The following POLR2D variants were observed in gnomAD, a reference collection of about 807,000 sequenced individuals.
POLR2D encodes the protein DNA-directed RNA polymerase II subunit RPB4.
Under a neutral mutation model 17.6 loss-of-function variants are expected in POLR2D, and 10 were observed. That is an observed-to-expected ratio of 0.57 (90% confidence interval 0.35 to 0.96). The LOEUF (loss-of-function observed/expected upper bound fraction) is 0.96. POLR2D is among the 40% of genes least tolerant of loss of function. The pLI is 0.02. For missense variants in POLR2D, 126 were observed against 176.4 expected (o/e 0.71, Z 1.62); for synonymous variants, 52 against 60.2 (o/e 0.86, Z 0.63).
rs779254562 is a variant in POLR2D, at chr2:127,852,961, C to T, written c.218G>A (p.Arg73His). Residue 73 changes from arginine to histidine, a missense_variant, in exon 2 of 4, where the codon CGT becomes CAT. Coordinates refer to ENST00000272645, the MANE Select transcript of POLR2D (RefSeq NM_004805.4). The surrounding 1 kb of genome is among the most constrained non-coding windows in gnomAD (Gnocchi z 4.0). ...KTLNYTARFS[R>H]FKNRETIASV... Reference sequence around the variant, plus strand: ...GGCAATGGTCTCTCTGTTTTTGAAACGACTGAAACGGGCTGTGTAGTTTAA... The same window carrying T: ...GGCAATGGTCTCTCTGTTTTTGAAATGACTGAAACGGGCTGTGTAGTTTAA... 25 of 1,613,642 alleles carry T rather than the reference C, an allele frequency of 1.5e-5. No homozygotes were observed. The highest frequency in any genetic ancestry group is 5.0e-5 in the Admixed American group (3 of 59,884).
At chr2:127,851,089 C>T (rs781561947) in intron 2 of POLR2D, among the ~76,000 whole-genome samples, 34 of 151,876 alleles carry the variant, frequency 2.2e-4, no homozygotes, top group South Asian at 2.1e-4. Context: ...GGTGCAGTGG[C>T]GGGCTACTCC....
chr2:127,856,049 G>A (rs138377587), intron 1 of POLR2D, among the ~76,000 whole-genome samples: 7 of 152,036 alleles, frequency 4.6e-5, no homozygotes, highest in Admixed American at 3.3e-4. Flanking sequence ...TTGGGTGGTC[G>A]AGGCGGGCAG....
intron 3 of POLR2D, among the ~76,000 whole-genome samples, chr2:127,849,777 C>T (rs1384020210): frequency 3.9e-5 from 6 of 151,988 alleles, no homozygotes; most frequent in South Asian, 4.1e-4. Flanking sequence ...CTGGGCACCG[C>T]GGCTCATGCC....
Position 127,852,955 on chromosome 2 carries a change from T to C in POLR2D, c.224A>G (p.Lys75Arg). 1.2e-6 allele frequency: 2 copies of C among 1,613,982 alleles called. No individual in the cohort carries two copies. The highest frequency in any genetic ancestry group is 2.2e-5 in the East Asian group (1 of 44,884). ...AACACTGGCAATGGTCTCTCTGTTTTTGAAACGACTGAAACGGGCTGTGTA... is the reference window on the plus strand; with the variant it reads ...AACACTGGCAATGGTCTCTCTGTTTCTGAAACGACTGAAACGGGCTGTGTA... The part of the protein sequence containing the change: ...LNYTARFSRF[K>R]NRETIASVRS... Residue 75 changes from lysine to arginine, a missense_variant, in exon 2 of 4, where the codon AAA becomes AGA. Physicochemically the swap from Lys to Arg is conservative, Grantham distance 26 (BLOSUM62 2). Transcript: ENST00000272645. This position sits in a 1 kb window ranked among gnomAD's most constrained non-coding sequence, Gnocchi z 4.0.
rs150244946 is a variant in POLR2D at position 127,846,569 on chromosome 2, G to A, written c.*1538C>T. On this transcript the variant is annotated 3_prime_UTR_variant, in exon 4 of 4. Coordinates refer to ENST00000272645, the MANE Select transcript of POLR2D (RefSeq NM_004805.4). ...TAAAGCACTTATTGCTAATTAGCAG[G>A]CCAGAGGCTTAGACTGGATCTCTCA... 3.3e-5 allele frequency: 5 copies of A among 152,230 alleles called. No individual in the cohort carries two copies. The highest frequency in any genetic ancestry group is 1.2e-4 in the African/African-American group (5 of 41,520). 9.4% of individuals were successfully genotyped at this position (152,230 alleles called of 1,614,324 possible).
At chr2:127,853,456 T>A (rs543762304) in intron 1 of POLR2D, among the ~76,000 whole-genome samples, 30 of 152,320 alleles carry the variant, frequency 2.0e-4, no homozygotes, top group Admixed American at 1.4e-3. Flanking sequence ...CTCCCACTTA[T>A]AAGAATGTGA....
Position 127,845,843 on chromosome 2 carries a change from C to T in POLR2D, c.*2264G>A, listed in dbSNP as rs1690145221. On this transcript the variant is annotated 3_prime_UTR_variant, in exon 4 of 4. Transcript: ENST00000272645. ...GGAACATACTATATATCAGACACCT[C>T]TAGGCTCTTTGTAATAATTTCCTGT... 6.6e-6 allele frequency: 1 copy of T among 152,210 alleles called. No homozygotes were observed. The highest frequency in any genetic ancestry group is 1.5e-5 in the Non-Finnish European group (1 of 68,058). 9.4% of individuals were successfully genotyped at this position (152,210 alleles called of 1,614,324 possible).
rs1690156808 is a variant in POLR2D, at chr2:127,846,391, T to C, written c.*1716A>G. The C allele has an allele frequency of 6.6e-6, 1 of 152,214 alleles. No individual in the cohort carries two copies. Among genetic ancestry groups the C allele is most frequent in the Non-Finnish European group, 1.5e-5 (1 of 68,054 alleles). The allele number at this position is 152,214 out of a possible 1,614,324, so 9.4% of individuals were successfully genotyped here. ...ACAAGTTCATACAGAGTCAAGCAAG[T>C]GCCCCAAAGAAAAACCCCAAAATTG... On this transcript the variant is annotated 3_prime_UTR_variant, in exon 4 of 4. Coordinates refer to ENST00000272645, the MANE Select transcript of POLR2D (RefSeq NM_004805.4).
At chr2:127,851,449 G>C (rs1014850056) in intron 2 of POLR2D, among the ~76,000 whole-genome samples, 1 of 151,600 alleles carries the variant, frequency 6.6e-6, no homozygotes, top group African/African-American at 2.4e-5. Flanking sequence ...AAAAAAGGTA[G>C]AAGAGGCCAG....
rs1446318883 is a variant in POLR2D at position 127,845,067 on chromosome 2, CCT to C, written c.*3038_*3039del. On this transcript the variant is annotated 3_prime_UTR_variant, in exon 4 of 4. Coordinates refer to ENST00000272645, the MANE Select transcript of POLR2D (RefSeq NM_004805.4). ...GTATTCTCAGGTAGCTCACAGAACC[CCT>C]GGCACATAGGTGGAAACACCAGTAA... 1 of 152,212 alleles carries C rather than the reference CCT, an allele frequency of 6.6e-6. No homozygotes were observed. Among genetic ancestry groups the C allele is most frequent in the African/African-American group, 2.4e-5 (1 of 41,462 alleles). 9.4% of individuals were successfully genotyped at this position (152,212 alleles called of 1,614,324 possible).
intron 3 of POLR2D, among the ~76,000 whole-genome samples, chr2:127,848,522 T>C (rs374021451): frequency 2.6e-5 from 4 of 151,998 alleles, no homozygotes; most frequent in African/African-American, 9.7e-5. Flanking sequence ...GTGATTCTCC[T>C]GTCTCAGCCT....
chr2:127,843,798 G>C lies in POLR2D; in HGVS notation c.*4309C>G, dbSNP rs1690106666. 1 of 153,488 alleles carries C rather than the reference G, an allele frequency of 6.5e-6. No individual in the cohort carries two copies. Among genetic ancestry groups the C allele is most frequent in the African/African-American group, 2.4e-5 (1 of 41,360 alleles). 9.5% of individuals were successfully genotyped at this position (153,488 alleles called of 1,614,324 possible). On this transcript the variant is annotated 3_prime_UTR_variant, in exon 4 of 4. Transcript: ENST00000272645. ...CATGAGAGAATATCCCTCATGAAGG[G>C]GATTAATGCCCTTATAAAAGAGGCT... is the stretch of plus-strand genomic sequence containing the variant.
At chr2:127,850,768 G>T in intron 2 of POLR2D, 83 bp from the exon 3 acceptor site, 1 of 701,196 alleles carries the variant, frequency 1.4e-6, no homozygotes, top group East Asian at 2.5e-5. Flanking sequence ...CAGGAAAAAA[G>T]GGATCAAACG....
In POLR2D at chr2:127,858,011, G is replaced by A; in HGVS notation, c.73+17C>T. On this transcript the variant is annotated intron_variant, in intron 1 of 3. Coordinates refer to ENST00000272645, the MANE Select transcript of POLR2D (RefSeq NM_004805.4). ...ACGCGAAGTGGCGCGGGGGAGTCTG[G>A]CAGCCCCGAGCCCAACCTTTAGGAA... 6.3e-7 allele frequency: 1 copy of A among 1,577,218 alleles called. No individual in the cohort carries two copies. Among genetic ancestry groups the A allele is most frequent in the Non-Finnish European group, 8.6e-7 (1 of 1,164,512 alleles).
chr2:127,850,059 C>T (rs1363182707), intron 3 of POLR2D, among the ~76,000 whole-genome samples: 1 of 152,144 alleles, frequency 6.6e-6, no homozygotes, highest in Admixed American at 6.5e-5. Flanking sequence ...ACTCACAATC[C>T]TACCATCAGC....
chr2:127,847,806 C>A lies in POLR2D; in HGVS notation c.*301G>T. ...TTAAGAAAAAAGATGATGTGGAGGC[C>A]AAAAACCAGGAATGAGGTAGTCAAC... On this transcript the variant is annotated 3_prime_UTR_variant, in exon 4 of 4. Coordinates refer to ENST00000272645, the MANE Select transcript of POLR2D (RefSeq NM_004805.4). 1 of 361,122 alleles carries A rather than the reference C, an allele frequency of 2.8e-6. No homozygotes were observed. Among genetic ancestry groups the A allele is most frequent in the South Asian group, 3.3e-5 (1 of 30,042 alleles). 22.4% of individuals were successfully genotyped at this position (361,122 alleles called of 1,614,324 possible). A position where few individuals can be genotyped will look rare whatever the true frequency, so the allele number is the denominator to read the frequency against.
In POLR2D at chr2:127,843,874, G is replaced by C. The variant is rs910308897; in HGVS notation, c.*4233C>G. 2.0e-5 allele frequency: 3 copies of C among 153,572 alleles called. No homozygotes were observed. Among genetic ancestry groups the C allele is most frequent in the African/African-American group, 7.3e-5 (3 of 41,362 alleles). The allele number at this position is 153,572 out of a possible 1,614,324, so 9.5% of individuals were successfully genotyped here. A position where few individuals can be genotyped will look rare whatever the true frequency, so the allele number is the denominator to read the frequency against. On this transcript the variant is annotated 3_prime_UTR_variant, in exon 4 of 4. Coordinates refer to ENST00000272645, the MANE Select transcript of POLR2D (RefSeq NM_004805.4). ...CTCTAATCTCAGCATTTGGGAGGCG[G>C]AAACAGGTGGACTGCTAGAGGTCAG... is the stretch of plus-strand genomic sequence containing the variant.
At chr2:127,854,329 TAGAG>T (rs918403355) in intron 1 of POLR2D, among the ~76,000 whole-genome samples, 1 of 152,216 alleles carries the variant, frequency 6.6e-6, no homozygotes, top group African/African-American at 2.4e-5. Flanking sequence ...CTCAAAGTAT[TAGAG>T]ATAGTTTTTA....
chr2:127,845,773 T>C lies in POLR2D; in HGVS notation c.*2334A>G, dbSNP rs1038022312. The C allele has an allele frequency of 6.6e-6, 1 of 152,202 alleles. No individual in the cohort carries two copies. The highest frequency in any genetic ancestry group is 2.4e-5 in the African/African-American group (1 of 41,442). The allele number at this position is 152,202 out of a possible 1,614,324, so 9.4% of individuals were successfully genotyped here. A position where few individuals can be genotyped will look rare whatever the true frequency, so the allele number is the denominator to read the frequency against. ...GCAAGCTGACTTAATCATCTATCTA[T>C]ACTAGCTCATCTGCCTGAGATGCTA... On this transcript the variant is annotated 3_prime_UTR_variant, in exon 4 of 4. Transcript: ENST00000272645.
Sources: gnomAD v4.1 joint callset for allele counts (sites outside exome capture counted in the v4.1 genomes callset) on GRCh38, gnomAD v4.1.1 for gene constraint, Gnocchi (gnomAD v3.1) non-coding constraint, MANE v1.5 for transcripts, NCBI Gene and HGNC (gene_info 2026-07-23, HGNC 2026-07-21) for gene names.